Variants in SHLD1 observed in about 807,000 individuals in gnomAD.
SHLD1 encodes the protein RINN1-REV7-interacting novel NHEJ regulator 3.
In SHLD1, 3 loss-of-function variants were observed where a neutral mutation model predicts 5.5. The observed-to-expected ratio is 0.54, with a 90% CI of 0.25 to 1.40. The LOEUF is 1.40. Ranked by LOEUF, SHLD1 falls within the 40% of genes most tolerant of loss-of-function variation. The pLI is 0.15. For synonymous variants in SHLD1, 92 were observed against 94.3 expected (o/e 0.98, Z 0.14); for missense variants, 210 against 244.4 (o/e 0.86, Z 0.94).
chr20:5,862,183 G>A (rs539446021), intron 2 of SHLD1, among the ~76,000 whole-genome samples: 11 of 152,196 alleles, frequency 7.2e-5, no homozygotes, highest in Admixed American at 1.3e-4. Flanking sequence ...AATTTTTTGC[G>A]GACACAATTC....
chr20:5,753,079 A>T (rs554203934), intron 1 of SHLD1, among the ~76,000 whole-genome samples: 142 of 152,282 alleles, frequency 9.3e-4, no homozygotes, highest in Non-Finnish European at 1.7e-3. Flanking sequence ...GATTACAGGC[A>T]TGAGCCACCG....
chr20:5,847,996 A>G (rs1374642058), intron 2 of SHLD1, among the ~76,000 whole-genome samples: 1 of 152,222 alleles, frequency 6.6e-6, no homozygotes, highest in Non-Finnish European at 1.5e-5. Flanking sequence ...CTACCTGTCT[A>G]TCAGAAAAGA....
chr20:5,832,504 T>G (rs943195577), intron 2 of SHLD1, among the ~76,000 whole-genome samples: 2 of 152,154 alleles, frequency 1.3e-5, no homozygotes, highest in African/African-American at 4.8e-5. Flanking sequence ...GATCTTGCTA[T>G]GTTGCCTGGG....
In SHLD1 at chr20:5,863,921, T is replaced by TCC. The variant is rs1249592673; in HGVS notation, c.*459_*460insCC. 1.9e-5 allele frequency: 3 copies of TCC among 154,136 alleles called. No homozygotes were observed. Among genetic ancestry groups the TCC allele is most frequent in the Non-Finnish European group, 4.3e-5 (3 of 69,560 alleles). 9.5% of individuals were successfully genotyped at this position (154,136 alleles called of 1,614,324 possible). A position where few individuals can be genotyped will look rare whatever the true frequency, so the allele number is the denominator to read the frequency against. On this transcript the variant is annotated 3_prime_UTR_variant, in exon 3 of 3. Transcript: ENST00000303142. ...AACCTCTTATATCTGAATCCTTGAC[T>TCC]CAGAGTCTACTTCTGGGAGAATTCA...
chr20:5,821,236 G>A (rs530984174), intron 2 of SHLD1, among the ~76,000 whole-genome samples: 87 of 152,340 alleles, frequency 5.7e-4, no homozygotes, highest in African/African-American at 1.9e-3. Context: ...AAGGCTGGGC[G>A]TGGTGGTGGC....
In SHLD1 at chr20:5,774,211, AAAAC is replaced by A. The variant is rs1985323771; in HGVS notation, c.178+1172_178+1175del. On this transcript the variant is annotated intron_variant, in intron 2 of 2. Coordinates refer to ENST00000303142, the MANE Select transcript of SHLD1 (RefSeq NM_152504.4). ...AGAGCAAAACTCTGTCTCAAAACAAAAAACAAAAAACAAACAACAACAAAAAACA... is the reference window on the plus strand; with the variant it reads ...AGAGCAAAACTCTGTCTCAAAACAAAAAAAAACAAACAACAACAAAAAACA... Among the ~76,000 whole-genome samples, 4 of 152,296 alleles carry A rather than the reference AAAAC, an allele frequency of 2.6e-5. No individual in the cohort carries two copies. In the South Asian group the frequency reaches 6.2e-4, roughly 24 times the overall value.
chr20:5,838,970 C>T (rs998790001), intron 2 of SHLD1, among the ~76,000 whole-genome samples: 6 of 152,124 alleles, frequency 3.9e-5, no homozygotes, highest in African/African-American at 9.7e-5. Flanking sequence ...CTCAGACTCA[C>T]CTTGCTGGAA....
intron 1 of SHLD1, among the ~76,000 whole-genome samples, chr20:5,768,029 C>T (rs1984941140): frequency 6.8e-6 from 1 of 146,514 alleles, no homozygotes; most frequent in South Asian, 2.1e-4. Context: ...GGCTGGAGTG[C>T]AGTGGTGTGA....
intron 2 of SHLD1, among the ~76,000 whole-genome samples, chr20:5,819,732 G>A (rs1223604935): frequency 6.6e-6 from 1 of 152,210 alleles, no homozygotes; most frequent in Non-Finnish European, 1.5e-5. Context: ...TGAGGCAGGA[G>A]GATGGCTTGA....
chr20:5,802,578 C>T (rs530053113), intron 2 of SHLD1, among the ~76,000 whole-genome samples: 2 of 152,176 alleles, frequency 1.3e-5, no homozygotes, highest in East Asian at 1.9e-4. Context: ...ATGTCATCAC[C>T]ACCTCTCCTC....
At chr20:5,824,202 C>T (rs1047301486) in intron 2 of SHLD1, among the ~76,000 whole-genome samples, 5 of 152,202 alleles carry the variant, frequency 3.3e-5, no homozygotes, top group African/African-American at 7.2e-5. Flanking sequence ...CTCCCACCTC[C>T]GGGATTTTGC....
At chr20:5,856,440 T>C (rs967822018) in intron 2 of SHLD1, among the ~76,000 whole-genome samples, 2 of 152,098 alleles carry the variant, frequency 1.3e-5, no homozygotes, top group Non-Finnish European at 2.9e-5. Context: ...CTTTCCTCCA[T>C]GGAGCATGGA....
chr20:5,814,293 C>T (rs532510264), intron 2 of SHLD1, among the ~76,000 whole-genome samples: 26 of 152,194 alleles, frequency 1.7e-4, no homozygotes, highest in Admixed American at 1.1e-3. Flanking sequence ...TCCTTTATGG[C>T]TGCCTGGGTA....
chr20:5,812,079 TC>T lies in SHLD1; in HGVS notation c.178+39037del, dbSNP rs1408898974. The stretch of plus-strand genomic sequence containing the variant: ...CTTCTTTTTCTTTTTCTTTTTTTTT[TC>T]TTTTTTTTTCTTTTTTTTTTTGAGG... On this transcript the variant is annotated intron_variant, in intron 2 of 2. Coordinates refer to ENST00000303142, the MANE Select transcript of SHLD1 (RefSeq NM_152504.4). Among the ~76,000 whole-genome samples the T allele has an allele frequency of 1.7e-4, 25 of 149,866 alleles. No homozygotes were observed. The South Asian group carries it at 4.8e-3, about 29-fold the overall frequency.
intron 1 of SHLD1, among the ~76,000 whole-genome samples, chr20:5,757,344 C>G (rs1473205015): frequency 6.6e-6 from 1 of 151,842 alleles, no homozygotes; most frequent in Non-Finnish European, 1.5e-5. Context: ...CCCAAAGTGC[C>G]TGGTGTAAGC....
At chr20:5,852,593 G>A (rs1380823591) in intron 2 of SHLD1, among the ~76,000 whole-genome samples, 1 of 152,172 alleles carries the variant, frequency 6.6e-6, no homozygotes, top group Admixed American at 6.5e-5. Flanking sequence ...GGGATTACAG[G>A]CATATGCCAC....
chr20:5,774,886 T>A (rs923899394), intron 2 of SHLD1, among the ~76,000 whole-genome samples: 1 of 152,150 alleles, frequency 6.6e-6, no homozygotes, highest in Admixed American at 6.6e-5. Flanking sequence ...AGACTTAACA[T>A]CTTAGTTCCT....
chr20:5,785,629 C>G (rs1159846818), intron 2 of SHLD1, among the ~76,000 whole-genome samples: 1 of 152,026 alleles, frequency 6.6e-6, no homozygotes, highest in African/African-American at 2.4e-5. Flanking sequence ...AACCCCGTCT[C>G]TACTAAAAAT....
intron 2 of SHLD1, among the ~76,000 whole-genome samples, chr20:5,776,655 C>A (rs1257021399): frequency 1.3e-5 from 2 of 152,022 alleles, no homozygotes; most frequent in East Asian, 1.9e-4. Flanking sequence ...CCCAGATACT[C>A]GGGGGCCTGA....
Sources: allele counts gnomAD v4.1 joint callset (sites outside exome capture counted in the v4.1 genomes callset), GRCh38; gene constraint gnomAD v4.1.1; transcripts MANE v1.5; gene names NCBI Gene and HGNC (gene_info 2026-07-23, HGNC 2026-07-21).